Variants in DDO observed in about 807,000 individuals in gnomAD.
DDO encodes the protein D-aspartate oxidase.
In DDO, 16 loss-of-function variants were observed where a neutral mutation model predicts 16.8. The observed-to-expected ratio is 0.95, with a 90% CI of 0.65 to 1.45. The LOEUF is 1.45. Ranked by LOEUF, DDO falls within the 40% of genes most tolerant of loss-of-function variation. DDO has a pLI of 0.00. For synonymous variants in DDO, 180 were observed against 167.2 expected (o/e 1.08, Z -0.59); for missense variants, 429 against 420.3 (o/e 1.02, Z -0.18).
At chr6:110,401,897 A>G (rs1413632015) in intron 4 of DDO, among the ~76,000 whole-genome samples, 1 of 152,256 alleles carries the variant, frequency 6.6e-6, no homozygotes, top group East Asian at 1.9e-4. Context: ...GATAACTGGC[A>G]TTCTAGGTGA....
chr6:110,410,905 C>T (rs1002038646), intron 2 of DDO, among the ~76,000 whole-genome samples: 4 of 152,116 alleles, frequency 2.6e-5, no homozygotes, highest in Admixed American at 2.0e-4. Context: ...ACCTGCAATG[C>T]CAAGGTCGCT....
intron 3 of DDO, among the ~76,000 whole-genome samples, chr6:110,406,097 C>T (rs144423454): frequency 1.5e-3 from 233 of 152,204 alleles, no homozygotes; most frequent in Middle Eastern, 0.014. Flanking sequence ...CTAGCTTGCC[C>T]TCTTCCATAT....
rs1773122946 is a variant in DDO at position 110,392,298 on chromosome 6, C to T, written c.*477G>A. On this transcript the variant is annotated 3_prime_UTR_variant, in exon 5 of 5. Transcript: ENST00000368924. ...TTAAATGTTTTCCATACATTATCTC[C>T]TCCTGTGGATTTATAAGCCAAATGA... 8.1e-6 allele frequency: 8 copies of T among 985,776 alleles called. No individual in the cohort carries two copies. The highest frequency in any genetic ancestry group is 9.6e-6 in the Non-Finnish European group (8 of 830,192). The allele number at this position is 985,776 out of a possible 1,614,324, so 61.1% of individuals were successfully genotyped here.
chr6:110,388,413 T>G (rs1031260152), downstream of DDO, among the ~76,000 whole-genome samples: 1 of 152,234 alleles, frequency 6.6e-6, no homozygotes, highest in Admixed American at 6.5e-5. Flanking sequence ...TGGACACATG[T>G]TCCACCATCC....
chr6:110,401,318 C>T (rs1773478712), intron 4 of DDO, among the ~76,000 whole-genome samples: 1 of 152,050 alleles, frequency 6.6e-6, no homozygotes, highest in African/African-American at 2.4e-5. Flanking sequence ...TCTTTCTGCA[C>T]TAAATTCATA....
chr6:110,402,164 C>A (rs926889477), intron 4 of DDO, among the ~76,000 whole-genome samples: 1 of 152,090 alleles, frequency 6.6e-6, no homozygotes, highest in Admixed American at 6.5e-5. Context: ...CAACTGAAGA[C>A]AATGTGTGAC....
At chr6:110,404,615 C>A (rs537825089) in intron 4 of DDO, among the ~76,000 whole-genome samples, 159 bp downstream of exon 4, 1 of 152,172 alleles carries the variant, frequency 6.6e-6, no homozygotes, top group East Asian at 1.9e-4. Context: ...ACACTGTCTT[C>A]AGATTGTTTT....
intron 4 of DDO, among the ~76,000 whole-genome samples, chr6:110,401,698 T>G (rs1309302001): frequency 6.6e-6 from 1 of 152,180 alleles, no homozygotes; most frequent in Non-Finnish European, 1.5e-5. Flanking sequence ...TATAAAATGA[T>G]CACTTGGAAA....
intron 2 of DDO, among the ~76,000 whole-genome samples, chr6:110,412,397 C>T (rs555030006): frequency 5.3e-5 from 8 of 152,210 alleles, no homozygotes; most frequent in African/African-American, 1.4e-4. Context: ...TAATTTCTGA[C>T]TTGATAGTCA....
In DDO at chr6:110,393,251, C is replaced by G; in HGVS notation, c.550G>C (p.Gly184Arg). 6.2e-7 allele frequency: 1 copy of G among 1,614,076 alleles called. No homozygotes were observed. The highest frequency in any genetic ancestry group is 2.2e-5 in the East Asian group (1 of 44,896). ...PSFDIVVNCS[G>R]LGSRQLAGDS... is the part of the protein sequence containing the mutation. ...CCTGCAAGCTGTCTGCTTCCAAGGC[C>G]TGAACAGTTGACCACGATGTCAAAG... Residue 184 changes from glycine (G) to arginine (R), a missense_variant, in exon 5 of 5, where the codon GGC becomes CGC. Gly to Arg is a moderately radical substitution (Grantham distance 125, BLOSUM62 -2). Transcript: ENST00000368924.
At chr6:110,402,281 T>C (rs1773508623) in intron 4 of DDO, among the ~76,000 whole-genome samples, 2 of 152,246 alleles carry the variant, frequency 1.3e-5, no homozygotes, top group Non-Finnish European at 1.5e-5. Context: ...CCATAGATTA[T>C]AGTGTTGTAT....
chr6:110,413,424 C>T lies in DDO; in HGVS notation c.39G>A (p.Val13=). The part of the protein sequence containing the change: ...TARIAVVGAG[V]VGLSTAVCIS... ...TGCACACAGCCGTGGAGAGCCCCAC[C>T]ACACCTGCCCCGACAACTGCAATCC... is the stretch of plus-strand genomic sequence containing the variant. Residue 13 remains valine, a synonymous_variant, in exon 2 of 5, where the codon GTG becomes GTA. Coordinates refer to ENST00000368924, the MANE Select transcript of DDO (RefSeq NM_001372108.2). The T allele has an allele frequency of 2.5e-6, 4 of 1,613,918 alleles. No homozygotes were observed. The highest frequency in any genetic ancestry group is 3.4e-6 in the Non-Finnish European group (4 of 1,180,026).
intron 4 of DDO, among the ~76,000 whole-genome samples, chr6:110,396,691 T>TTTTGTTTGTTTGTTTG (rs57663802): frequency 1.3e-5 from 2 of 150,806 alleles, no homozygotes; most frequent in African/African-American, 5.0e-5. Context: ...GGAGCTACTG[T>TTTTGTTTGTTTGTTTG]TTTGTTTGTT....
intron 2 of DDO, among the ~76,000 whole-genome samples, chr6:110,410,832 A>G (rs1375829834): frequency 6.6e-6 from 1 of 151,908 alleles, no homozygotes; most frequent in Non-Finnish European, 1.5e-5. Flanking sequence ...TGGTGGATAC[A>G]CCAGGTGCCT....
chr6:110,392,743 C>G lies in DDO; in HGVS notation c.*32G>C. Reference sequence around the variant, plus strand: ...CCTGTTCTGTGCTTTGATCAACAGTCTCTCAGTCTCTTTGCTGTCATTTTA... The same window carrying G: ...CCTGTTCTGTGCTTTGATCAACAGTGTCTCAGTCTCTTTGCTGTCATTTTA... On this transcript the variant is annotated 3_prime_UTR_variant, in exon 5 of 5. Coordinates refer to ENST00000368924, the MANE Select transcript of DDO (RefSeq NM_001372108.2). 1 of 1,507,634 alleles carries G rather than the reference C, an allele frequency of 6.6e-7. No homozygotes were observed. 93.4% of individuals were successfully genotyped at this position (1,507,634 alleles called of 1,614,324 possible).
Position 110,415,560 on chromosome 6 carries a change from G to C in DDO, c.-98C>G. 6.2e-7 allele frequency: 1 copy of C among 1,613,534 alleles called. No individual in the cohort carries two copies. Among genetic ancestry groups the C allele is most frequent in the Non-Finnish European group, 8.5e-7 (1 of 1,179,826 alleles). ...GGCTGGTCTCATGCCCTGAGAGACA[G>C]AGAGAAAGCGAAACTGATTCCCATT... On this transcript the variant is annotated 5_prime_UTR_variant, in exon 1 of 5. Coordinates refer to ENST00000368924, the MANE Select transcript of DDO (RefSeq NM_001372108.2).
chr6:110,394,263 C>A (rs1773216540), intron 4 of DDO, among the ~76,000 whole-genome samples: 1 of 152,110 alleles, frequency 6.6e-6, no homozygotes, highest in African/African-American at 2.4e-5. Context: ...TGCCACCATG[C>A]CCGGCTAATT....
At chr6:110,410,165 C>T (rs1229222158) in intron 2 of DDO, among the ~76,000 whole-genome samples, 7 of 152,104 alleles carry the variant, frequency 4.6e-5, no homozygotes. Context: ...GGAAAGAAAC[C>T]CAAAGAGAAG....
At chr6:110,413,263 A>G (rs780836820) in intron 2 of DDO, 28 bp downstream of exon 2, 8 of 1,608,818 alleles carry the variant, frequency 5.0e-6, no homozygotes, top group Non-Finnish European at 6.8e-6. Context: ...CATCTATTGT[A>G]TCTGATAGAG....
Sources: allele counts gnomAD v4.1 joint callset (sites outside exome capture counted in the v4.1 genomes callset), GRCh38; gene constraint gnomAD v4.1.1; transcripts MANE v1.5; gene names NCBI Gene and HGNC (gene_info 2026-07-23, HGNC 2026-07-21).